The following EYS variants were observed in gnomAD, a reference collection of about 807,000 sequenced individuals.
EYS encodes EGF-like photoreceptor maintenance factor, also known as protein eyes shut homolog.
A neutral mutation model predicts 282.1 loss-of-function variants in EYS; 250 were observed. That is an observed-to-expected ratio of 0.89 (90% CI 0.80 to 0.98). The LOEUF (loss-of-function observed/expected upper bound fraction) is 0.98, where lower values mean the gene tolerates loss of function less well. Ranked by LOEUF, EYS falls within the 50% of genes least tolerant of loss-of-function variation. The pLI, the probability that EYS is intolerant of heterozygous loss-of-function variation, is 0.00. For missense variants in EYS, 4,016 were observed against 3,709.0 expected (o/e 1.08, Z -2.15); for synonymous variants, 1,355 against 1,282.9 (o/e 1.06, Z -1.20).
intron 28 of EYS, among the ~76,000 whole-genome samples, chr6:64,414,433 C>T (rs1172162646): frequency 6.6e-6 from 1 of 151,942 alleles, no homozygotes; most frequent in Non-Finnish European, 1.5e-5. Flanking sequence ...ATTCAAAAAC[C>T]TAATATATAC....
At chr6:65,151,997 A>C (rs1228797738) in intron 12 of EYS, among the ~76,000 whole-genome samples, 1 of 151,982 alleles carries the variant, frequency 6.6e-6, no homozygotes, top group African/African-American at 2.4e-5. Flanking sequence ...TAAAGAGATC[A>C]ATGTTAGTGA....
intron 26 of EYS, among the ~76,000 whole-genome samples, chr6:64,483,383 C>T (rs1021861048): frequency 1.3e-5 from 2 of 151,622 alleles, no homozygotes; most frequent in African/African-American, 4.8e-5. Flanking sequence ...AACTGGGAAA[C>T]GTTGGAGGTG....
intron 27 of EYS, 21 bp from the exon 28 acceptor site, chr6:64,436,286 G>C (rs766509987): frequency 1.2e-5 from 17 of 1,386,988 alleles, no homozygotes; most frequent in Non-Finnish European, 1.7e-5. Context: ...AAAAAATTTT[G>C]TCCTCAAACA....
At chr6:64,221,778 C>T (rs1206146284) in intron 31 of EYS, among the ~76,000 whole-genome samples, 1 of 151,922 alleles carries the variant, frequency 6.6e-6, no homozygotes, top group African/African-American at 2.4e-5. Flanking sequence ...TTCCTTTGTC[C>T]ATTTTATATA....
chr6:65,124,092 T>C (rs909679860), intron 12 of EYS, among the ~76,000 whole-genome samples: 1 of 152,060 alleles, frequency 6.6e-6, no homozygotes, highest in Non-Finnish European at 1.5e-5. Context: ...GCGGATCCCT[T>C]GAGCCTAGGA....
intron 24 of EYS, among the ~76,000 whole-genome samples, chr6:64,597,444 A>G (rs1766622533): frequency 6.6e-6 from 1 of 152,218 alleles, no homozygotes; most frequent in Non-Finnish European, 1.5e-5. Flanking sequence ...CGTTCACAAT[A>G]GCAAAGATGT....
At chr6:65,338,699 TA>T (rs927213731) in intron 10 of EYS, among the ~76,000 whole-genome samples, 1 of 151,096 alleles carries the variant, frequency 6.6e-6, no homozygotes, top group African/African-American at 2.4e-5. Flanking sequence ...AGGAATGCAA[TA>T]AAATCATGAT....
At chr6:64,860,313 G>A (rs979089776) in intron 19 of EYS, among the ~76,000 whole-genome samples, 2 of 152,232 alleles carry the variant, frequency 1.3e-5, no homozygotes, top group South Asian at 2.1e-4. Context: ...ATGGCAGGCT[G>A]TGCTCAGCTC....
intron 26 of EYS, among the ~76,000 whole-genome samples, chr6:64,556,721 G>A (rs1228004196): frequency 1.3e-5 from 2 of 151,890 alleles, no homozygotes; most frequent in Non-Finnish European, 1.5e-5. Flanking sequence ...AACAAGAATA[G>A]GCAGCTGTGA....
At chr6:65,066,629 T>A (rs2150163023) in intron 12 of EYS, among the ~76,000 whole-genome samples, 1 of 152,268 alleles carries the variant, frequency 6.6e-6, no homozygotes, top group East Asian at 1.9e-4. Flanking sequence ...CAGTTTTTAG[T>A]CAAAATTACA....
chr6:64,665,029 T>C (rs992979297), intron 22 of EYS, among the ~76,000 whole-genome samples: 2 of 152,220 alleles, frequency 1.3e-5, no homozygotes, highest in East Asian at 3.9e-4. Flanking sequence ...AAGAGTCACA[T>C]GAAAAGTCTT....
intron 4 of EYS, among the ~76,000 whole-genome samples, chr6:65,492,739 A>T (rs1766094243): frequency 6.6e-6 from 1 of 152,196 alleles, no homozygotes; most frequent in Non-Finnish European, 1.5e-5. Context: ...CAACACAGTC[A>T]AATGAGAATT....
At chr6:65,384,234 C>G (rs973345868) in intron 8 of EYS, 152 bp downstream of exon 8, 1 of 594,278 alleles carries the variant, frequency 1.7e-6, no homozygotes, top group Non-Finnish European at 3.0e-6. Flanking sequence ...ATTAAAACCC[C>G]TATTGCTAAG....
At chr6:64,607,187 C>A (rs1006349360) in intron 24 of EYS, among the ~76,000 whole-genome samples, 3 of 151,826 alleles carry the variant, frequency 2.0e-5, no homozygotes, top group African/African-American at 7.3e-5. Context: ...TCTCCCACTG[C>A]CTTGCCAGAA....
Position 64,108,605 on chromosome 6 carries a change from T to C in EYS, c.6425-26603A>G, listed in dbSNP as rs575463448. Among the ~76,000 whole-genome samples the C allele has an allele frequency of 1.7e-3, 265 of 151,848 alleles. 3 individuals carry two copies. Among genetic ancestry groups the C allele is most frequent in the Admixed American group, 6.6e-3 (100 of 15,204 alleles). ...TGTTGCAGTTAGAAACACTTGCCTT[T>C]GAAGACTAATTCTGCTGCTTATTAA... is the stretch of plus-strand genomic sequence containing the variant. On this transcript the variant is annotated intron_variant, in intron 31 of 42. Coordinates refer to ENST00000503581, the MANE Select transcript of EYS (RefSeq NM_001142800.2).
intron 22 of EYS, among the ~76,000 whole-genome samples, chr6:64,774,094 TA>T (rs1773607566): frequency 6.6e-6 from 1 of 151,928 alleles, no homozygotes; most frequent in East Asian, 1.9e-4. Flanking sequence ...TACCTTTCAT[TA>T]TTACACATAC....
chr6:64,407,693 C>CAT (rs1416364793), intron 28 of EYS, among the ~76,000 whole-genome samples: 2 of 152,074 alleles, frequency 1.3e-5, no homozygotes, highest in African/African-American at 4.8e-5. Flanking sequence ...ATGGTATTAG[C>CAT]ATATATATGT....
At chr6:64,764,761 G>A (rs1349768286) in intron 22 of EYS, among the ~76,000 whole-genome samples, 1 of 152,088 alleles carries the variant, frequency 6.6e-6, no homozygotes, top group Non-Finnish European at 1.5e-5. Flanking sequence ...TTGTTTAGAC[G>A]TAGTTTTGCA....
At chr6:64,270,373 T>C (rs902908405) in intron 30 of EYS, among the ~76,000 whole-genome samples, 3 of 151,672 alleles carry the variant, frequency 2.0e-5, no homozygotes, top group African/African-American at 4.8e-5. Flanking sequence ...TGATGAAGAT[T>C]GCCGGGGGTG....
Sources: allele counts gnomAD v4.1 joint callset (sites outside exome capture counted in the v4.1 genomes callset), GRCh38; gene constraint gnomAD v4.1.1; transcripts MANE v1.5; gene names NCBI Gene and HGNC (gene_info 2026-07-23, HGNC 2026-07-21).